The following B3GALT1 variants were observed in gnomAD, a reference collection of about 807,000 sequenced individuals.
The protein encoded by B3GALT1 is beta-1,3-galactosyltransferase 1.
Under a neutral mutation model 23.2 loss-of-function variants are expected in B3GALT1, and 10 were observed. The ratio of observed to expected loss-of-function variants is 0.43; its 90% CI spans 0.27 to 0.73. The LOEUF is 0.73. B3GALT1 is among the 30% of genes least tolerant of loss of function. The pLI, the probability that B3GALT1 is intolerant of heterozygous loss-of-function variation, is 0.21. For missense variants in B3GALT1, 299 were observed against 405.4 expected, an observed-to-expected ratio of 0.74 and a Z score of 2.25; for synonymous variants, 156 against 141.5, an observed-to-expected ratio of 1.10 and a Z score of -0.73.
intron 2 of B3GALT1, among the ~76,000 whole-genome samples, chr2:167,510,986 TAAAA>T (rs576713587): frequency 1.2e-3 from 175 of 152,116 alleles, no homozygotes; most frequent in African/African-American, 4.0e-3. Flanking sequence ...TTAGAATCAA[TAAAA>T]AAAGAGAAAG....
At chr2:167,669,128 A>G (rs1440302870) in intron 3 of B3GALT1, among the ~76,000 whole-genome samples, 1 of 152,046 alleles carries the variant, frequency 6.6e-6, no homozygotes, top group African/African-American at 2.4e-5. Context: ...TGTGGTCTGT[A>G]TCCTTCACTC....
intron 4 of B3GALT1, among the ~76,000 whole-genome samples, chr2:167,863,851 C>T (rs1690153991): frequency 6.6e-6 from 1 of 152,042 alleles, no homozygotes; most frequent in Admixed American, 6.6e-5. Context: ...TCTGTTTTTT[C>T]AACAGAGGAT....
At chr2:167,621,463 A>T (rs775897015) in intron 2 of B3GALT1, among the ~76,000 whole-genome samples, 4 of 152,106 alleles carry the variant, frequency 2.6e-5, no homozygotes, top group Admixed American at 6.6e-5. Context: ...GCAGTCATTG[A>T]TGAACCTTTC....
At chr2:167,488,984 AAAT>A (rs923542863) in intron 1 of B3GALT1, among the ~76,000 whole-genome samples, 1 of 152,036 alleles carries the variant, frequency 6.6e-6, no homozygotes, top group East Asian at 1.9e-4. Context: ...AAAAAAAAAA[AAAT>A]ACTTTGTGTC....
intron 3 of B3GALT1, among the ~76,000 whole-genome samples, chr2:167,676,997 A>C (rs1252388831): frequency 6.6e-6 from 1 of 152,198 alleles, no homozygotes; most frequent in African/African-American, 2.4e-5. Context: ...TTTTATTTTA[A>C]ATTCAAGTGT....
At chr2:167,794,859 A>G (rs906201658) in intron 3 of B3GALT1, among the ~76,000 whole-genome samples, 17 of 152,296 alleles carry the variant, frequency 1.1e-4, no homozygotes, top group Admixed American at 9.2e-4. Flanking sequence ...TGCTGCCTCC[A>G]TGGAAGAGGG....
chr2:167,352,370 TA>T (rs1697326058), intron 1 of B3GALT1, among the ~76,000 whole-genome samples: 1 of 151,294 alleles, frequency 6.6e-6, no homozygotes, highest in Non-Finnish European at 1.5e-5. Context: ...ACATTTGACA[TA>T]GACCTGTCGA....
At chr2:167,371,889 T>A (rs1195966587) in intron 1 of B3GALT1, among the ~76,000 whole-genome samples, 1 of 151,900 alleles carries the variant, frequency 6.6e-6, no homozygotes, top group Non-Finnish European at 1.5e-5. Context: ...CTTAAAACAT[T>A]TGCTGACATA....
chr2:167,432,098 A>G (rs1317215917), intron 1 of B3GALT1, among the ~76,000 whole-genome samples: 5 of 152,184 alleles, frequency 3.3e-5, no homozygotes, highest in Admixed American at 2.6e-4. Flanking sequence ...TGTGAGGCTG[A>G]TGAGGCAAAC....
At chr2:167,699,378 C>CTTTTTTTTTTTTTTTTTTT (rs1285786645) in intron 3 of B3GALT1, among the ~76,000 whole-genome samples, 2 of 78,670 alleles carry the variant, frequency 2.5e-5, no homozygotes, top group Non-Finnish European at 2.5e-5. Flanking sequence ...GCCATTATTT[C>CTTTTTTTTTTTTTTTTTTT]TATTTTTTTT....
intron 4 of B3GALT1, among the ~76,000 whole-genome samples, chr2:167,851,357 A>C (rs1245384247): frequency 6.6e-6 from 1 of 152,134 alleles, no homozygotes; most frequent in East Asian, 1.9e-4. Context: ...ACAATAACAA[A>C]AAAGTGATGA....
intron 1 of B3GALT1, among the ~76,000 whole-genome samples, chr2:167,363,056 T>C (rs1477136670): frequency 6.6e-6 from 1 of 151,756 alleles, no homozygotes; most frequent in Non-Finnish European, 1.5e-5. Flanking sequence ...GGGTTTGCCA[T>C]GTAGGCCAGG....
chr2:167,714,431 A>G, intron 3 of B3GALT1: 1 of 1,574,092 alleles, frequency 6.4e-7, no homozygotes, highest in Non-Finnish European at 8.7e-7. Context: ...TGAGAGTCTG[A>G]GTGGATCCTC....
chr2:167,478,718 C>T (rs1255568182), intron 1 of B3GALT1, among the ~76,000 whole-genome samples: 1 of 148,888 alleles, frequency 6.7e-6, no homozygotes, highest in Admixed American at 6.7e-5. Context: ...CGTCCCTCCT[C>T]CCCCCACCCC....
intron 3 of B3GALT1, chr2:167,814,671 T>C (rs1688957907): frequency 6.6e-6 from 1 of 152,258 alleles, no homozygotes. Context: ...GATAGAAGAA[T>C]TGCTTGGACG....
intron 2 of B3GALT1, among the ~76,000 whole-genome samples, chr2:167,508,621 CT>C (rs886892338): frequency 1.5e-3 from 232 of 151,226 alleles, no homozygotes; most frequent in Non-Finnish European, 2.5e-3. Context: ...TAAAATTGAA[CT>C]TTTTTTTTAG....
At chr2:167,527,063 C>T (rs1369791325) in intron 2 of B3GALT1, among the ~76,000 whole-genome samples, 1 of 152,128 alleles carries the variant, frequency 6.6e-6, no homozygotes, top group Non-Finnish European at 1.5e-5. Context: ...GCATTTATTA[C>T]AACTTATGAA....
At chr2:167,316,539 C>G (rs947425880) in intron 1 of B3GALT1, among the ~76,000 whole-genome samples, 1 of 152,120 alleles carries the variant, frequency 6.6e-6, no homozygotes, top group African/African-American at 2.4e-5. Context: ...TCTTGTCACT[C>G]TCCAACTGAG....
chr2:167,340,627 C>A (rs578128049), intron 1 of B3GALT1, among the ~76,000 whole-genome samples: 13 of 152,336 alleles, frequency 8.5e-5, no homozygotes, highest in African/African-American at 3.1e-4. Context: ...ATGGTCATGT[C>A]ACCTTGACGT....
Sources: gnomAD v4.1 joint callset for allele counts (sites outside exome capture counted in the v4.1 genomes callset) on GRCh38, gnomAD v4.1.1 for gene constraint, MANE v1.5 for transcripts, NCBI Gene and HGNC (gene_info 2026-07-23, HGNC 2026-07-21) for gene names.